Variants in IPO11 observed in about 807,000 individuals in gnomAD.
IPO11 encodes importin 11.
IPO11 carries 66 observed loss-of-function variants against 143.2 expected under a neutral mutation model. The observed-to-expected ratio is 0.46, with a 90% confidence interval of 0.38 to 0.57. IPO11 has a LOEUF of 0.57. Among genes scored for constraint, IPO11 ranks in the 20% least tolerant of loss-of-function variants. IPO11 has a pLI of 0.00. For missense variants in IPO11, 1,026 were observed against 1,141.0 expected (o/e 0.90, Z 1.45); for synonymous variants, 385 against 377.8 (o/e 1.02, Z -0.22).
intron 27 of IPO11, chr5:62,580,199 T>A: frequency 6.4e-7 from 1 of 1,551,188 alleles, no homozygotes; most frequent in Non-Finnish European, 8.7e-7. Context: ...CTTGCCAATC[T>A]GGAATACCTC....
intron 3 of IPO11, among the ~76,000 whole-genome samples, chr5:62,447,639 G>A (rs1007259135): frequency 6.6e-6 from 1 of 151,436 alleles, no homozygotes; most frequent in Admixed American, 6.6e-5. Flanking sequence ...AGGCTGGAGT[G>A]CAGTGGTGCC....
At chr5:62,421,271 G>A (rs1743506079) in intron 1 of IPO11, among the ~76,000 whole-genome samples, 1 of 152,088 alleles carries the variant, frequency 6.6e-6, no homozygotes, top group Non-Finnish European at 1.5e-5. Flanking sequence ...CTTTGTTTTA[G>A]TTATGTATTA....
At chr5:62,524,857 A>C (rs1446060503) in intron 20 of IPO11, among the ~76,000 whole-genome samples, 2 of 152,070 alleles carry the variant, frequency 1.3e-5, no homozygotes, top group Non-Finnish European at 2.9e-5. Flanking sequence ...TTGACATTTG[A>C]ATTACTTCTT....
intron 24 of IPO11, among the ~76,000 whole-genome samples, chr5:62,538,171 A>G (rs920856436): frequency 2.0e-5 from 3 of 152,228 alleles, no homozygotes; most frequent in Non-Finnish European, 2.9e-5. Flanking sequence ...GAGCCTAAAA[A>G]TGATTTCACT....
intron 7 of IPO11, among the ~76,000 whole-genome samples, chr5:62,472,328 A>G (rs751973341): frequency 6.6e-6 from 1 of 152,098 alleles, no homozygotes; most frequent in African/African-American, 2.4e-5. Context: ...TTATATTCCT[A>G]TAAGGTGAAA....
intron 9 of IPO11, among the ~76,000 whole-genome samples, chr5:62,480,872 A>T (rs1235134729): frequency 6.7e-6 from 1 of 148,164 alleles, no homozygotes; most frequent in East Asian, 2.0e-4. Context: ...CAATCATGTC[A>T]TCTGCAAACA....
chr5:62,503,122 G>A (rs932445437), intron 16 of IPO11, among the ~76,000 whole-genome samples: 25 of 152,016 alleles, frequency 1.6e-4, no homozygotes, highest in Non-Finnish European at 3.2e-4. Flanking sequence ...ACTGTGCCTA[G>A]CCTTGATTTC....
intron 1 of IPO11, among the ~76,000 whole-genome samples, chr5:62,424,107 C>T (rs1318154825): frequency 2.0e-5 from 3 of 151,128 alleles, no homozygotes; most frequent in South Asian, 2.1e-4. Context: ...CAGCCTCAAC[C>T]TCCTGGGCTC....
At chr5:62,481,136 T>A (rs1210447476) in intron 9 of IPO11, among the ~76,000 whole-genome samples, 1 of 152,020 alleles carries the variant, frequency 6.6e-6, no homozygotes, top group African/African-American at 2.4e-5. Flanking sequence ...GCCAGGATGG[T>A]CTCGATCTCC....
At chr5:62,478,768 TCTC>T (rs1025847863) in intron 9 of IPO11, among the ~76,000 whole-genome samples, 10 of 152,186 alleles carry the variant, frequency 6.6e-5, no homozygotes, top group Admixed American at 3.9e-4. Context: ...TCTTCACACT[TCTC>T]CTCCCATATT....
At chr5:62,599,680 T>A (rs1026971879) in intron 28 of IPO11, among the ~76,000 whole-genome samples, 1 of 152,250 alleles carries the variant, frequency 6.6e-6, no homozygotes, top group Admixed American at 6.5e-5. Flanking sequence ...TTCGGTGATT[T>A]CTGCCTTGAG....
At chr5:62,528,813 A>T (rs1274264563) in intron 21 of IPO11, among the ~76,000 whole-genome samples, 1 of 152,114 alleles carries the variant, frequency 6.6e-6, no homozygotes, top group Non-Finnish European at 1.5e-5. Context: ...TATCTTAGAG[A>T]ATGGGAATTT....
At chr5:62,617,610 A>C (rs1033170786) in intron 29 of IPO11, among the ~76,000 whole-genome samples, 2 of 152,114 alleles carry the variant, frequency 1.3e-5, no homozygotes, top group Non-Finnish European at 1.5e-5. Context: ...GAAGGAAAAC[A>C]ATTCCCTATT....
chr5:62,422,674 C>T (rs1344158218), intron 1 of IPO11: 1 of 152,164 alleles, frequency 6.6e-6, no homozygotes, highest in African/African-American at 2.4e-5. Flanking sequence ...AGACTTATTG[C>T]AGTTTATCAG....
At position 62,596,024 on chromosome 5, in the gene IPO11, C is replaced by G. The variant is rs970494653; in HGVS notation, c.2678+4352C>G. Among the ~76,000 whole-genome samples, 3 of 151,034 alleles carry G rather than the reference C, an allele frequency of 2.0e-5. No homozygotes were observed. In the South Asian group the frequency reaches 6.3e-4, roughly 32 times the overall value. On this transcript the variant is annotated intron_variant, in intron 28 of 29. Coordinates refer to ENST00000325324, the MANE Select transcript of IPO11 (RefSeq NM_016338.5). ...CTGTAATCCTAGCACTTTAGGAGGC[C>G]GAGACGGTAGAATCGCTTGAGCCCA...
chr5:62,566,933 T>G (rs1162931273), intron 27 of IPO11, among the ~76,000 whole-genome samples: 2 of 152,070 alleles, frequency 1.3e-5, no homozygotes, highest in Non-Finnish European at 2.9e-5. Context: ...GCTCAAGTGA[T>G]CCTCCCACCT....
rs562782740 is a variant in IPO11, at chr5:62,559,148, G to A, written c.2461-1988G>A. Among the ~76,000 whole-genome samples, 16 of 152,284 alleles carry A rather than the reference G, an allele frequency of 1.1e-4. No homozygotes were observed. The South Asian group carries it at 1.2e-3, about 12-fold the overall frequency. ...CTGGCTGATCAGGATGGTGGTTGCT[G>A]TAGGTGTGGGTGGCTGTGGCAGTTT... On this transcript the variant is annotated intron_variant, in intron 26 of 29. Transcript: ENST00000325324.
chr5:62,444,841 C>T (rs1215703626), intron 3 of IPO11, among the ~76,000 whole-genome samples: 2 of 151,374 alleles, frequency 1.3e-5, no homozygotes, highest in African/African-American at 4.9e-5. Flanking sequence ...TGCACTCCAG[C>T]CTGGGCGACA....
At chr5:62,508,279 G>A (rs180838377) in intron 19 of IPO11, among the ~76,000 whole-genome samples, 4 of 150,198 alleles carry the variant, frequency 2.7e-5, no homozygotes, top group African/African-American at 9.8e-5. Flanking sequence ...GATTACAGGT[G>A]TGCCACCATG....
Sources: allele counts gnomAD v4.1 joint callset (sites outside exome capture counted in the v4.1 genomes callset), GRCh38; gene constraint gnomAD v4.1.1; transcripts MANE v1.5; gene names NCBI Gene and HGNC (gene_info 2026-07-23, HGNC 2026-07-21).